NOSTRIN: variants seen among roughly 807,000 people sequenced by gnomAD.
NOSTRIN encodes the protein BM247 homolog.
A neutral mutation model predicts 59.0 loss-of-function variants in NOSTRIN; 63 were observed. That is an observed-to-expected ratio of 1.07 (90% CI 0.87 to 1.32). The LOEUF is 1.32. NOSTRIN is among the 40% of genes most tolerant of loss of function. The pLI is 0.00. For synonymous variants in NOSTRIN, 200 were observed against 165.4 expected, an observed-to-expected ratio of 1.21 and a Z score of -1.61; for missense variants, 512 against 473.1, an observed-to-expected ratio of 1.08 and a Z score of -0.76.
intron 1 of NOSTRIN, among the ~76,000 whole-genome samples, chr2:168,806,468 A>G (rs1226903856): frequency 1.3e-5 from 2 of 152,090 alleles, no homozygotes; most frequent in East Asian, 3.9e-4. Flanking sequence ...GTTTTTTGTA[A>G]TGGCTATATT....
chr2:168,859,432 G>T, intron 12 of NOSTRIN, 80 bp from the exon 13 acceptor site: 3 of 1,556,352 alleles, frequency 1.9e-6, no homozygotes, highest in South Asian at 2.4e-5. Flanking sequence ...TTGTTATTTT[G>T]AAAGTTATTC....
chr2:168,821,904 G>A (rs1021634982), intron 2 of NOSTRIN, among the ~76,000 whole-genome samples: 2 of 152,194 alleles, frequency 1.3e-5, no homozygotes, highest in African/African-American at 4.8e-5. Flanking sequence ...AGCAGCAATC[G>A]TTCCAGACAT....
chr2:168,809,192 A>C (rs1321690430), intron 1 of NOSTRIN, among the ~76,000 whole-genome samples: 1 of 152,208 alleles, frequency 6.6e-6, no homozygotes, highest in Non-Finnish European at 1.5e-5. Flanking sequence ...GGTGTTCTTC[A>C]CAGCCATCAG....
intron 10 of NOSTRIN, among the ~76,000 whole-genome samples, chr2:168,852,813 G>A (rs1221045593): frequency 6.6e-6 from 1 of 152,088 alleles, no homozygotes; most frequent in Non-Finnish European, 1.5e-5. Flanking sequence ...TCCTACCTTG[G>A]CAAAGGAGAA....
At chr2:168,833,610 T>C (rs1198111230) in intron 6 of NOSTRIN, among the ~76,000 whole-genome samples, 1 of 152,196 alleles carries the variant, frequency 6.6e-6, no homozygotes, top group African/African-American at 2.4e-5. Flanking sequence ...CCCTAAATCC[T>C]AACCCACTCC....
intron 5 of NOSTRIN, 69 bp from the exon 6 acceptor site, chr2:168,831,403 C>CATTTAGTCT: frequency 1.2e-6 from 1 of 801,868 alleles, no homozygotes; most frequent in Non-Finnish European, 2.3e-6. Flanking sequence ...GGGGCACGAA[C>CATTTAGTCT]ATTTAGTCTA....
chr2:168,863,337 G>GAAAAGATAGAAA (rs1260673534), intron 15 of NOSTRIN: 8 of 893,636 alleles, frequency 9.0e-6, no homozygotes, highest in Non-Finnish European at 1.1e-5. Flanking sequence ...AGAAAATGTA[G>GAAAAGATAGAAA]AAAAGATAGA....
intron 13 of NOSTRIN, among the ~76,000 whole-genome samples, chr2:168,860,038 C>G (rs1295043101): frequency 6.6e-6 from 1 of 152,144 alleles, no homozygotes; most frequent in African/African-American, 2.4e-5. Flanking sequence ...GATAATGCAT[C>G]AGTACAGCTC....
intron 5 of NOSTRIN, among the ~76,000 whole-genome samples, chr2:168,830,618 TC>T (rs1429945747): frequency 1.3e-5 from 2 of 152,232 alleles, no homozygotes; most frequent in East Asian, 3.8e-4. Flanking sequence ...ACATCAGATC[TC>T]CCTGGGAAGT....
intron 8 of NOSTRIN, among the ~76,000 whole-genome samples, chr2:168,845,978 C>A (rs1688395220): frequency 6.6e-6 from 1 of 152,092 alleles, no homozygotes; most frequent in African/African-American, 2.4e-5. Flanking sequence ...CCACCTTCCT[C>A]TGAGTTCTCT....
At chr2:168,793,960 G>T (rs1685419369), upstream of NOSTRIN, among the ~76,000 whole-genome samples, 1 of 152,128 alleles carries the variant, frequency 6.6e-6, no homozygotes, top group African/African-American at 2.4e-5. Flanking sequence ...AGGCTGAGTT[G>T]GATACCTCTT....
Position 168,831,515 on chromosome 2 carries a change from A to T in NOSTRIN, c.386A>T (p.Asn129Ile). The T allele has an allele frequency of 1.2e-6, 1 of 865,136 alleles. No individual in the cohort carries two copies. 53.6% of individuals were successfully genotyped at this position (865,136 alleles called of 1,614,324 possible). Reference sequence around the variant, plus strand: ...AAGACAGCAAATCTTGTCATTAGCAACTGGAATCAGCAAATTAAGGCAAGT... The same window carrying T: ...AAGACAGCAAATCTTGTCATTAGCATCTGGAATCAGCAAATTAAGGCAAGT... ...VEKTANLVIS[N>I]WNQQIKAKKK... Residue 129 changes from asparagine to isoleucine, a missense_variant, in exon 6 of 16, where the codon AAC becomes ATC. Transcript: ENST00000317647.
chr2:168,849,086 G>A (rs563770836), intron 8 of NOSTRIN, among the ~76,000 whole-genome samples: 1 of 152,122 alleles, frequency 6.6e-6, no homozygotes, highest in East Asian at 1.9e-4. Context: ...AATTTCAAGA[G>A]GTGAGCAAGG....
At chr2:168,855,590 C>T (rs1689030124) in intron 11 of NOSTRIN, 130 bp downstream of exon 11, 2 of 228,886 alleles carry the variant, frequency 8.7e-6, no homozygotes, top group East Asian at 1.0e-4. Flanking sequence ...ATATATCAAA[C>T]TTCAGTTGTG....
intron 1 of NOSTRIN, chr2:168,786,787 G>C (rs1685213366): frequency 1.3e-5 from 2 of 152,060 alleles, no homozygotes; most frequent in Non-Finnish European, 2.9e-5. Context: ...TCTAAAACTT[G>C]CCTCAGTCTC....
chr2:168,822,655 T>C (rs1403016902), intron 2 of NOSTRIN, among the ~76,000 whole-genome samples: 1 of 152,218 alleles, frequency 6.6e-6, no homozygotes, highest in Non-Finnish European at 1.5e-5. Context: ...TTCTCTATAG[T>C]CAAAAGTGAT....
intron 10 of NOSTRIN, among the ~76,000 whole-genome samples, chr2:168,854,619 C>G (rs1688965657): frequency 6.6e-6 from 1 of 152,096 alleles, no homozygotes; most frequent in Non-Finnish European, 1.5e-5. Context: ...TTTGCTCATG[C>G]AACAGGTGTC....
intron 1 of NOSTRIN, among the ~76,000 whole-genome samples, chr2:168,805,004 A>T (rs1326500696): frequency 1.3e-5 from 2 of 152,232 alleles, no homozygotes; most frequent in Non-Finnish European, 2.9e-5. Context: ...GTATGTTAAT[A>T]AAAAAGCACA....
intron 3 of NOSTRIN, among the ~76,000 whole-genome samples, chr2:168,825,629 A>C (rs1354896178): frequency 1.3e-5 from 2 of 152,226 alleles, no homozygotes; most frequent in African/African-American, 4.8e-5. Context: ...CATTCTTTTC[A>C]ATATATTGCA....
Sources: allele counts gnomAD v4.1 joint callset (sites outside exome capture counted in the v4.1 genomes callset), GRCh38; gene constraint gnomAD v4.1.1; transcripts MANE v1.5; gene names NCBI Gene and HGNC (gene_info 2026-07-23, HGNC 2026-07-21).